The following NPAS2 variants were observed in gnomAD, a reference collection of about 807,000 sequenced individuals.
NPAS2 encodes the protein neuronal PAS domain-containing protein 2.
NPAS2 carries 23 observed loss-of-function variants against 107.5 expected under a neutral mutation model. That is an observed-to-expected ratio of 0.21 (90% confidence interval 0.15 to 0.30). NPAS2 has a LOEUF of 0.30. NPAS2 is among the 10% of genes least tolerant of loss of function. The pLI, the probability that NPAS2 is intolerant of heterozygous loss-of-function variation, is 1.00. For missense variants in NPAS2, 756 were observed against 1,043.3 expected, an observed-to-expected ratio of 0.72 and a Z score of 3.79; for synonymous variants, 403 against 417.5, an observed-to-expected ratio of 0.97 and a Z score of 0.42.
At position 100,948,215 on chromosome 2, in the gene NPAS2, T is replaced by G; in HGVS notation, c.364-20T>G. On this transcript the variant is annotated intron_variant, in intron 5 of 20. Transcript: ENST00000335681. ...CATCTTCGTTGAGGGTGTACCTTTG[T>G]CCTTTATTTTCTTTTTCAGTCGGAT... The G allele has an allele frequency of 6.2e-7, 1 of 1,611,204 alleles. No homozygotes were observed.
intron 5 of NPAS2, among the ~76,000 whole-genome samples, chr2:100,938,539 C>T (rs1224828559): frequency 1.3e-5 from 2 of 149,838 alleles, no homozygotes; most frequent in Non-Finnish European, 3.0e-5. Context: ...CTTCTTATTC[C>T]CTCCTCCCTC....
At chr2:100,846,293 T>C (rs1055452146) in intron 1 of NPAS2, among the ~76,000 whole-genome samples, 4 of 152,290 alleles carry the variant, frequency 2.6e-5, no homozygotes, top group Non-Finnish European at 5.9e-5. Context: ...TTCCAGAGTT[T>C]AAGGCATTAA....
chr2:100,884,567 C>T (rs959078442), intron 1 of NPAS2, among the ~76,000 whole-genome samples: 1 of 152,218 alleles, frequency 6.6e-6, no homozygotes, highest in Non-Finnish European at 1.5e-5. Context: ...TAAGACTTCA[C>T]TCCTTGTGAT....
At chr2:100,942,915 T>G (rs1674662082) in intron 5 of NPAS2, among the ~76,000 whole-genome samples, 2 of 152,250 alleles carry the variant, frequency 1.3e-5, no homozygotes, top group Non-Finnish European at 2.9e-5. Context: ...CAGATGTAGC[T>G]GCTGTGGGCT....
intron 1 of NPAS2, among the ~76,000 whole-genome samples, chr2:100,839,193 A>G (rs1677246405): frequency 6.6e-6 from 1 of 152,156 alleles, no homozygotes; most frequent in South Asian, 2.1e-4. Flanking sequence ...CAGTGGCACA[A>G]TCTTGGCTCA....
chr2:100,957,925 C>G (rs953305273), intron 7 of NPAS2, among the ~76,000 whole-genome samples: 2 of 151,580 alleles, frequency 1.3e-5, no homozygotes, highest in Admixed American at 1.3e-4. Context: ...GAAACTCAGT[C>G]TCAAAAAAAA....
chr2:100,936,536 C>G (rs182055872), intron 4 of NPAS2, among the ~76,000 whole-genome samples: 18 of 152,328 alleles, frequency 1.2e-4, no homozygotes, highest in South Asian at 2.1e-4. Context: ...TCTCCTCCCC[C>G]TCACTGGCAC....
chr2:100,873,303 TATATACACAC>T (rs60928669), intron 1 of NPAS2, among the ~76,000 whole-genome samples: 4,923 of 45,532 alleles, frequency 0.11, 144 homozygotes, highest in African/African-American at 0.15. Context: ...TATATATATA[TATATACACAC>T]ACACACACAC....
At chr2:100,909,532 A>C in intron 2 of NPAS2, among the ~76,000 whole-genome samples, 1 of 152,228 alleles carries the variant, frequency 6.6e-6, no homozygotes, top group East Asian at 1.9e-4. Flanking sequence ...ACACTTGCAG[A>C]GTGCCCCTGC....
rs1275931140 is a variant in NPAS2 at position 100,990,836 on chromosome 2, A to G, written c.2075A>G (p.Gln692Arg). The G allele has an allele frequency of 6.2e-7, 1 of 1,614,190 alleles. No homozygotes were observed. Among genetic ancestry groups the G allele is most frequent in the Non-Finnish European group, 8.5e-7 (1 of 1,180,028 alleles). ...PMMPGSCDARQPSEVSRTGRQ... is the reference protein window; with the variant it reads ...PMMPGSCDARRPSEVSRTGRQ... ...ATGCCCGGGTCCTGTGACGCAAGGC[A>G]GCCCTCGGAAGTCAGCAGGACGGGA... The change falls in exon 19 of 21, where the codon CAG (glutamine) becomes CGG (arginine). Residue 692 changes from glutamine to arginine, a missense_variant. Gln to Arg is a conservative substitution (Grantham distance 43, BLOSUM62 1). Coordinates refer to ENST00000335681, the MANE Select transcript of NPAS2 (RefSeq NM_002518.4).
At chr2:100,819,283 C>T (rs1161025541), upstream of NPAS2, among the ~76,000 whole-genome samples, 1 of 152,184 alleles carries the variant, frequency 6.6e-6, no homozygotes, top group Non-Finnish European at 1.5e-5. This position sits in a 1 kb window ranked among gnomAD's most constrained non-coding sequence, Gnocchi z 5.8. Context: ...AGTGCCCGCT[C>T]CTGGCCGCAG....
At chr2:100,954,980 C>A (rs903715676) in intron 7 of NPAS2, among the ~76,000 whole-genome samples, 2 of 151,728 alleles carry the variant, frequency 1.3e-5, no homozygotes, top group African/African-American at 4.8e-5. Flanking sequence ...AGGGTTCAAG[C>A]GATTCTCCTG....
intron 5 of NPAS2, among the ~76,000 whole-genome samples, chr2:100,939,633 G>A (rs1299997682): frequency 1.3e-5 from 2 of 152,118 alleles, no homozygotes; most frequent in African/African-American, 2.4e-5. Context: ...GCAAGGGCTC[G>A]GCAGTGGTAG....
chr2:100,821,970 G>A (rs749923172), intron 1 of NPAS2, among the ~76,000 whole-genome samples: 10 of 152,226 alleles, frequency 6.6e-5, no homozygotes, highest in Non-Finnish European at 1.3e-4. Flanking sequence ...AATAAAGTGT[G>A]CAAAGTAAAG....
At chr2:100,935,402 CACCCCAGTCAA>C (rs1558887074) in intron 4 of NPAS2, among the ~76,000 whole-genome samples, 2 of 152,164 alleles carry the variant, frequency 1.3e-5, no homozygotes, top group Admixed American at 1.3e-4. Context: ...CCTTTGGAAA[CACCCCAGTCAA>C]AATCACCATT....
intron 5 of NPAS2, among the ~76,000 whole-genome samples, chr2:100,948,026 C>T (rs562741846): frequency 5.9e-4 from 90 of 152,360 alleles, no homozygotes; most frequent in African/African-American, 2.1e-3. Flanking sequence ...CCACAGACAA[C>T]AGCACATATG....
intron 12 of NPAS2, among the ~76,000 whole-genome samples, chr2:100,974,475 C>T (rs960555277): frequency 3.3e-5 from 5 of 152,186 alleles, no homozygotes; most frequent in Admixed American, 3.3e-4. Flanking sequence ...AACCTCCTTC[C>T]CCCTTCTTGG....
chr2:100,894,777 T>C (rs1681295864), intron 1 of NPAS2, among the ~76,000 whole-genome samples: 1 of 151,984 alleles, frequency 6.6e-6, no homozygotes, highest in South Asian at 2.1e-4. Context: ...GGGCAGAGCA[T>C]TGGGCAGTGG....
At position 100,993,471 on chromosome 2, in the gene NPAS2, C is replaced by A. The variant is rs1251368217; in HGVS notation, c.2236C>A (p.Pro746Thr). 1 of 1,610,862 alleles carries A rather than the reference C, an allele frequency of 6.2e-7. No homozygotes were observed. The highest frequency in any genetic ancestry group is 8.5e-7 in the Non-Finnish European group (1 of 1,178,658). The change falls in exon 20 of 21, where the codon CCA (proline) becomes ACA (threonine). Residue 746 changes from proline to threonine, a missense_variant. Physicochemically the swap from Pro to Thr is conservative, Grantham distance 38. Around this residue, in one of 4 missense-constraint regions of NPAS2, gnomAD observed 496 missense variants for 594.4 expected, o/e 0.83. Transcript: ENST00000335681. ...CCACCCCAGCTTCCCTGCCTCCCAA[C>A]CATCGCCCCTGCAGCCTGCACAGGC... is the stretch of plus-strand genomic sequence containing the variant. ...VLHPSFPASQ[P>T]SPLQPAQARQ... is the part of the protein sequence containing the mutation.
Sources: gnomAD v4.1 joint callset for allele counts (sites outside exome capture counted in the v4.1 genomes callset) on GRCh38, gnomAD v4.1.1 for gene constraint, gnomAD v4.1.1 regional missense constraint, Gnocchi (gnomAD v3.1) non-coding constraint, MANE v1.5 for transcripts, NCBI Gene and HGNC (gene_info 2026-07-23, HGNC 2026-07-21) for gene names.